KIF26B: variants seen among roughly 807,000 people sequenced by gnomAD.
KIF26B encodes the protein kinesin-like protein KIF26B.
A neutral mutation model predicts 151.2 loss-of-function variants in KIF26B; 63 were observed. The ratio of observed to expected loss-of-function variants is 0.42; its 90% CI spans 0.34 to 0.51. The LOEUF (loss-of-function observed/expected upper bound fraction) is 0.51. Ranked by LOEUF, KIF26B falls within the 20% of genes least tolerant of loss-of-function variation. KIF26B has a pLI of 0.07. For synonymous variants in KIF26B, 1,357 were observed against 1,262.1 expected, an observed-to-expected ratio of 1.08 and a Z score of -1.59; for missense variants, 2,813 against 2,913.6, an observed-to-expected ratio of 0.97 and a Z score of 0.79.
At chr1:245,633,926 C>T (rs1017900261) in intron 9 of KIF26B, among the ~76,000 whole-genome samples, 2 of 152,122 alleles carry the variant, frequency 1.3e-5, no homozygotes, top group African/African-American at 4.8e-5. Flanking sequence ...CCACCTCAGC[C>T]TCCTGAGTAG....
intron 9 of KIF26B, 160 bp from the exon 10 acceptor site, chr1:245,645,961 C>A (rs771798979): frequency 1.5e-6 from 1 of 677,312 alleles, no homozygotes; most frequent in South Asian, 2.1e-5. Flanking sequence ...CTATTTGCAA[C>A]CCCAGCGTGA....
At position 245,155,419 on chromosome 1, in the gene KIF26B, G is replaced by A. The variant is rs1668411496; in HGVS notation, c.-6G>A. ...CCTTTAGATACTCTCCTCTGGAAAA[G>A]CCACCATGAATTCGGTAGCTGGGAA... On this transcript the variant is annotated 5_prime_UTR_variant, in exon 1 of 15. Coordinates refer to ENST00000407071, the MANE Select transcript of KIF26B (RefSeq NM_018012.4). 1 of 1,609,168 alleles carries A rather than the reference G, an allele frequency of 6.2e-7. No individual in the cohort carries two copies. The highest frequency in any genetic ancestry group is 8.5e-7 in the Non-Finnish European group (1 of 1,177,516).
intron 2 of KIF26B, among the ~76,000 whole-genome samples, chr1:245,262,747 G>A (rs1489023126): frequency 2.0e-5 from 3 of 152,134 alleles, no homozygotes; most frequent in African/African-American, 4.8e-5. Flanking sequence ...GAGCCACTGC[G>A]CCTGGCCAGG....
At chr1:245,195,694 G>A (rs1669179392) in intron 2 of KIF26B, among the ~76,000 whole-genome samples, 1 of 152,134 alleles carries the variant, frequency 6.6e-6, no homozygotes, top group Non-Finnish European at 1.5e-5. Flanking sequence ...TGCCTGTCAG[G>A]TGTTGTTTTT....
At chr1:245,335,388 G>A (rs1411547972) in intron 2 of KIF26B, among the ~76,000 whole-genome samples, 3 of 152,240 alleles carry the variant, frequency 2.0e-5, no homozygotes, top group East Asian at 1.9e-4. Flanking sequence ...ACACATATAC[G>A]CACTCTAGTG....
At chr1:245,439,144 T>C (rs1659002604) in intron 4 of KIF26B, among the ~76,000 whole-genome samples, 1 of 151,862 alleles carries the variant, frequency 6.6e-6, no homozygotes, top group Admixed American at 6.6e-5. Context: ...GTCCAGGAGT[T>C]TGAGACCAGC....
At position 245,698,786 on chromosome 1, in the gene KIF26B, C is replaced by T. The variant is rs533618773; in HGVS notation, c.6028-101C>T. On this transcript the variant is annotated intron_variant, in intron 13 of 14. Coordinates refer to ENST00000407071, the MANE Select transcript of KIF26B (RefSeq NM_018012.4). The surrounding 1 kb of genome is among the most constrained non-coding windows in gnomAD (Gnocchi z 4.0). ...GACCCATGTCCCTCCCACACGTCTCCAAGCCCAGCCTGTTTTCCATCAACG... is the reference window on the plus strand; with the variant it reads ...GACCCATGTCCCTCCCACACGTCTCTAAGCCCAGCCTGTTTTCCATCAACG... The T allele has an allele frequency of 6.2e-6, 9 of 1,450,810 alleles. No individual in the cohort carries two copies. The East Asian group carries it at 2.1e-4, about 34-fold the overall frequency. 89.9% of individuals were successfully genotyped at this position (1,450,810 alleles called of 1,614,324 possible). A position where few individuals can be genotyped will look rare whatever the true frequency, so the allele number is the denominator to read the frequency against.
chr1:245,262,461 A>AT (rs958467308), intron 2 of KIF26B, among the ~76,000 whole-genome samples: 51 of 149,868 alleles, frequency 3.4e-4, no homozygotes, highest in African/African-American at 1.2e-3. Context: ...TTTGTTTTTT[A>AT]TTTTTTTTTG....
chr1:245,638,534 AT>A (rs2043857129), intron 9 of KIF26B, among the ~76,000 whole-genome samples: 5 of 151,746 alleles, frequency 3.3e-5, no homozygotes, highest in Admixed American at 2.0e-4. Flanking sequence ...ATTACAGTTT[AT>A]AGTTCACCAC....
intron 10 of KIF26B, among the ~76,000 whole-genome samples, chr1:245,678,416 A>C (rs987242679): frequency 1.3e-5 from 2 of 152,146 alleles, no homozygotes; most frequent in Non-Finnish European, 2.9e-5. Context: ...GAATCGATGT[A>C]GTTCCAGGGT....
chr1:245,496,523 G>A (rs1660516598), intron 4 of KIF26B, among the ~76,000 whole-genome samples: 1 of 151,960 alleles, frequency 6.6e-6, no homozygotes, highest in Non-Finnish European at 1.5e-5. Context: ...AATAGGTCAA[G>A]GACACATAAT....
intron 2 of KIF26B, among the ~76,000 whole-genome samples, chr1:245,168,914 G>A (rs754845717): frequency 3.3e-5 from 5 of 152,118 alleles, no homozygotes; most frequent in Non-Finnish European, 7.3e-5. Context: ...ATTTAGCCAA[G>A]GTTGCCTCTT....
intron 4 of KIF26B, among the ~76,000 whole-genome samples, chr1:245,466,786 C>T (rs1659801034): frequency 6.6e-6 from 1 of 152,098 alleles, no homozygotes; most frequent in Non-Finnish European, 1.5e-5. Context: ...ATTAGCAGGG[C>T]GTGGTGGTGA....
intron 5 of KIF26B, among the ~76,000 whole-genome samples, chr1:245,562,098 C>T (rs2042961457): frequency 6.6e-6 from 1 of 152,114 alleles, no homozygotes. Context: ...CGTCCTCCAG[C>T]CGTACTTTGT....
Position 245,556,861 on chromosome 1 carries a change from A to T in KIF26B, c.1350+15911A>T, listed in dbSNP as rs549924409. Among the ~76,000 whole-genome samples, 5 of 152,216 alleles carry T rather than the reference A, an allele frequency of 3.3e-5. No individual in the cohort carries two copies. The East Asian group carries it at 9.7e-4, about 29-fold the overall frequency. On this transcript the variant is annotated intron_variant, in intron 5 of 14. Coordinates refer to ENST00000407071, the MANE Select transcript of KIF26B (RefSeq NM_018012.4). Reference sequence around the variant, plus strand: ...GCCAAGCACATTAATCTTTATGAAAATGTTTTGTTTCTGCCTTTCCCCACT... The same window carrying T: ...GCCAAGCACATTAATCTTTATGAAATTGTTTTGTTTCTGCCTTTCCCCACT...
intron 2 of KIF26B, among the ~76,000 whole-genome samples, chr1:245,212,833 C>T (rs1294653281): frequency 6.6e-6 from 1 of 152,238 alleles, no homozygotes; most frequent in Non-Finnish European, 1.5e-5. Context: ...GCACTTCATA[C>T]CCATGAATTG....
chr1:245,382,956 T>C (rs1673446727), intron 3 of KIF26B, among the ~76,000 whole-genome samples: 2 of 149,014 alleles, frequency 1.3e-5, no homozygotes, highest in South Asian at 4.2e-4. Context: ...AAATATATAC[T>C]TACATGTATT....
At chr1:245,612,449 C>T (rs2043537853) in intron 9 of KIF26B, among the ~76,000 whole-genome samples, 1 of 152,128 alleles carries the variant, frequency 6.6e-6, no homozygotes, top group East Asian at 1.9e-4. Flanking sequence ...AGTTCAGTGA[C>T]TCGTAATTCA....
intron 5 of KIF26B, among the ~76,000 whole-genome samples, chr1:245,569,396 T>C (rs1265663932): frequency 6.6e-6 from 1 of 151,862 alleles, no homozygotes; most frequent in African/African-American, 2.4e-5. Flanking sequence ...TTATTTGAGT[T>C]TAGGAGTTCA....
Sources: allele counts gnomAD v4.1 joint callset (sites outside exome capture counted in the v4.1 genomes callset), GRCh38; gene constraint gnomAD v4.1.1; non-coding constraint Gnocchi (gnomAD v3.1); transcripts MANE v1.5; gene names NCBI Gene and HGNC (gene_info 2026-07-23, HGNC 2026-07-21).